The following EYS variants were observed in gnomAD, a reference collection of about 807,000 sequenced individuals.
EYS encodes the protein EGF-like photoreceptor maintenance factor.
In EYS, 250 loss-of-function variants were observed where a neutral mutation model predicts 282.1. The ratio of observed to expected loss-of-function variants is 0.89; its 90% CI spans 0.80 to 0.98. The LOEUF (loss-of-function observed/expected upper bound fraction) is 0.98, where lower values mean the gene tolerates loss of function less well. Ranked by LOEUF, EYS falls within the 50% of genes least tolerant of loss-of-function variation. EYS has a pLI of 0.00. For missense variants in EYS, 4,016 were observed against 3,709.0 expected (o/e 1.08, Z -2.15); for synonymous variants, 1,355 against 1,282.9 (o/e 1.06, Z -1.20).
chr6:65,079,681 A>C (rs1335713379), intron 12 of EYS, among the ~76,000 whole-genome samples: 1 of 152,062 alleles, frequency 6.6e-6, no homozygotes, highest in African/African-American at 2.4e-5. Flanking sequence ...TTTTTATTGG[A>C]TAGCCTTGAG....
intron 5 of EYS, among the ~76,000 whole-genome samples, chr6:65,476,129 T>C (rs1765395988): frequency 6.6e-6 from 1 of 151,990 alleles, no homozygotes; most frequent in Non-Finnish European, 1.5e-5. Flanking sequence ...GAAGCTCCCG[T>C]TTTTTGCGAC....
chr6:65,327,079 C>T (rs1313215759), intron 11 of EYS, among the ~76,000 whole-genome samples: 3 of 151,648 alleles, frequency 2.0e-5, no homozygotes, highest in Non-Finnish European at 3.0e-5. Flanking sequence ...AAATTAATAG[C>T]AGGCATTATT....
At chr6:64,991,301 G>A (rs1320732963) in intron 14 of EYS, among the ~76,000 whole-genome samples, 3 of 151,510 alleles carry the variant, frequency 2.0e-5, no homozygotes, top group Non-Finnish European at 4.4e-5. Flanking sequence ...TGTTTAAAAT[G>A]GGCATGACCA....
intron 26 of EYS, among the ~76,000 whole-genome samples, chr6:64,578,341 C>A (rs964988707): frequency 1.3e-5 from 2 of 152,096 alleles, no homozygotes; most frequent in East Asian, 3.9e-4. Context: ...TCCACACTGT[C>A]GCCCCTGATG....
chr6:64,396,551 A>T (rs1044140782), intron 28 of EYS, among the ~76,000 whole-genome samples: 1 of 151,950 alleles, frequency 6.6e-6, no homozygotes, highest in Non-Finnish European at 1.5e-5. Context: ...ACTATATTTT[A>T]GTATTGACAT....
At chr6:65,180,820 C>G (rs1336938891) in intron 12 of EYS, among the ~76,000 whole-genome samples, 1 of 152,120 alleles carries the variant, frequency 6.6e-6, no homozygotes, top group Non-Finnish European at 1.5e-5. Flanking sequence ...TACAAGGCTA[C>G]AGTAACCAAA....
At chr6:64,294,825 C>T (rs1768852004) in intron 30 of EYS, among the ~76,000 whole-genome samples, 1 of 152,046 alleles carries the variant, frequency 6.6e-6, no homozygotes, top group Non-Finnish European at 1.5e-5. Flanking sequence ...AGTGGTAACA[C>T]TAACTTTATT....
chr6:65,520,211 G>A (rs1307117556), intron 2 of EYS, among the ~76,000 whole-genome samples: 13 of 151,804 alleles, frequency 8.6e-5, no homozygotes, highest in Non-Finnish European at 1.5e-5. Context: ...AAGCATATGG[G>A]GCCAATACTT....
intron 32 of EYS, among the ~76,000 whole-genome samples, chr6:64,076,566 G>A (rs988479217): frequency 6.6e-6 from 1 of 151,886 alleles, no homozygotes; most frequent in Admixed American, 6.6e-5. Flanking sequence ...TAGGGTATAA[G>A]TCTCATGAGA....
chr6:65,669,678 G>A (rs1266337455), intron 1 of EYS, among the ~76,000 whole-genome samples: 2 of 151,922 alleles, frequency 1.3e-5, no homozygotes, highest in Non-Finnish European at 2.9e-5. Flanking sequence ...ACCATTAAAT[G>A]AGTCCTTAAT....
Position 65,296,037 on chromosome 6 carries a change from G to A in EYS, c.1849C>T (p.His617Tyr), listed in dbSNP as rs1355041755. 1.3e-6 allele frequency: 2 copies of A among 1,551,112 alleles called. No individual in the cohort carries two copies. The highest frequency in any genetic ancestry group is 1.7e-6 in the Non-Finnish European group (2 of 1,146,500). Residue 617 changes from histidine to tyrosine, a missense_variant, in exon 12 of 43, where the codon CAT becomes TAT. Physicochemically the swap from His to Tyr is moderately conservative, Grantham distance 83. Coordinates refer to ENST00000503581, the MANE Select transcript of EYS (RefSeq NM_001142800.2). ...TGCGAAAGGGCCAGGCAGAGGCCAT[G>A]CACTGATATACTGTGGTTCCCTAAG... ...YCLGNHSISV[H>Y]GLCLALSHNC...
At chr6:63,846,853 T>A (rs1053067248) in intron 36 of EYS, among the ~76,000 whole-genome samples, 3 of 152,180 alleles carry the variant, frequency 2.0e-5, no homozygotes, top group African/African-American at 4.8e-5. Flanking sequence ...ATAAAAAAAA[T>A]TTAAAATATA....
intron 13 of EYS, among the ~76,000 whole-genome samples, chr6:65,006,113 T>A (rs1398627890): frequency 6.6e-6 from 1 of 152,026 alleles, no homozygotes; most frequent in East Asian, 1.9e-4. Flanking sequence ...GATTTAGGTA[T>A]ACAGCTGTCT....
Position 63,986,211 on chromosome 6 carries a change from ACCACAAT to A in EYS, c.6835-1615_6835-1609del, listed in dbSNP as rs536144230. 2.7e-3 allele frequency among the ~76,000 whole-genome samples: 412 copies of A among 152,040 alleles called. 2 individuals carry two copies. Among genetic ancestry groups the A allele is most frequent in the African/African-American group, 9.5e-3 (394 of 41,518 alleles). Reference sequence around the variant, plus strand: ...GATCATTAGAGAAATGCAAATCAAAACCACAATGAGATACCATCTCACACCAGTCAGA... The same window carrying A: ...GATCATTAGAGAAATGCAAATCAAAAGAGATACCATCTCACACCAGTCAGA... On this transcript the variant is annotated intron_variant, in intron 34 of 42. Coordinates refer to ENST00000503581, the MANE Select transcript of EYS (RefSeq NM_001142800.2).
chr6:64,647,154 T>TA (rs2149875448), intron 22 of EYS, among the ~76,000 whole-genome samples: 1 of 152,292 alleles, frequency 6.6e-6, no homozygotes, highest in African/African-American at 2.4e-5. Context: ...ACATCTCATA[T>TA]AAAAATGTAA....
At chr6:65,137,421 G>T (rs1776052107) in intron 12 of EYS, among the ~76,000 whole-genome samples, 1 of 152,076 alleles carries the variant, frequency 6.6e-6, no homozygotes, top group Admixed American at 6.6e-5. Flanking sequence ...ACTGTACCCA[G>T]ACTGTGGGCC....
intron 12 of EYS, among the ~76,000 whole-genome samples, chr6:65,219,757 G>T (rs1766411866): frequency 6.6e-6 from 1 of 152,068 alleles, no homozygotes. Flanking sequence ...GTTCCATATG[G>T]TTGGGGAATT....
intron 39 of EYS, among the ~76,000 whole-genome samples, chr6:63,781,202 T>A (rs1347926240): frequency 6.6e-6 from 1 of 152,244 alleles, no homozygotes; most frequent in East Asian, 1.9e-4. Context: ...AGGTTTGTCC[T>A]TTTTGCTTAG....
At chr6:64,667,679 G>A (rs1769280478) in intron 22 of EYS, among the ~76,000 whole-genome samples, 1 of 151,792 alleles carries the variant, frequency 6.6e-6, no homozygotes, top group Admixed American at 6.6e-5. Flanking sequence ...GGGAGATCCA[G>A]CACCCATAAA....
Sources: allele counts gnomAD v4.1 joint callset (sites outside exome capture counted in the v4.1 genomes callset), GRCh38; gene constraint gnomAD v4.1.1; transcripts MANE v1.5; gene names NCBI Gene and HGNC (gene_info 2026-07-23, HGNC 2026-07-21).